BCL11B: variants seen among roughly 807,000 people sequenced by gnomAD.
The protein encoded by BCL11B is B-cell lymphoma/leukemia 11B.
A neutral mutation model predicts 49.9 loss-of-function variants in BCL11B; 8 were observed. That is an observed-to-expected ratio of 0.16 (90% CI 0.09 to 0.29). BCL11B has a LOEUF of 0.29. Ranked by LOEUF, BCL11B falls within the 10% of genes least tolerant of loss-of-function variation. BCL11B has a pLI of 1.00. For missense variants in BCL11B, 1,006 were observed against 1,351.0 expected, an observed-to-expected ratio of 0.74 and a Z score of 4.00; for synonymous variants, 739 against 637.4, an observed-to-expected ratio of 1.16 and a Z score of -2.40.
chr14:99,199,685 CGCGCGCGCGCGCACGTGCACGTGT>C (rs1461324313), intron 3 of BCL11B, among the ~76,000 whole-genome samples: 12 of 58,930 alleles, frequency 2.0e-4, no homozygotes, highest in Admixed American at 6.7e-4. Flanking sequence ...TGTGTGTGTG[CGCGCGCGCGCGCACGTGCACGTGT>C]GTGCGTGTGT....
rs1183243678 is a variant in BCL11B at position 99,248,354 on chromosome 14, G to C, written c.427+9117C>G. Among the ~76,000 whole-genome samples, 1 of 152,158 alleles carries C rather than the reference G, an allele frequency of 6.6e-6. No individual in the cohort carries two copies. Reference sequence around the variant, plus strand: ...CTTCCCTGGGTCCAACTCGAGGCTTGCAAGTCCTGATCACACCCTCCCCTG... The same window carrying C: ...CTTCCCTGGGTCCAACTCGAGGCTTCCAAGTCCTGATCACACCCTCCCCTG... On this transcript the variant is annotated intron_variant, in intron 2 of 3. Coordinates refer to ENST00000357195, the MANE Select transcript of BCL11B (RefSeq NM_138576.4). The surrounding 1 kb of genome is among the most constrained non-coding windows in gnomAD (Gnocchi z 4.7).
chr14:99,259,370 T>C (rs1354573899), intron 1 of BCL11B, among the ~76,000 whole-genome samples: 1 of 152,216 alleles, frequency 6.6e-6, no homozygotes, highest in Non-Finnish European at 1.5e-5. Flanking sequence ...AAATCACTGT[T>C]CTCTATTTTC....
chr14:99,245,850 C>G (rs1399396288), intron 2 of BCL11B, among the ~76,000 whole-genome samples: 1 of 151,966 alleles, frequency 6.6e-6, no homozygotes, highest in Non-Finnish European at 1.5e-5. Context: ...GACCTTGGGT[C>G]TCCGCCTCCA....
At chr14:99,246,140 A>AC (rs910340957) in intron 2 of BCL11B, among the ~76,000 whole-genome samples, 5 of 147,936 alleles carry the variant, frequency 3.4e-5, no homozygotes, top group South Asian at 2.2e-4. Flanking sequence ...CGACTCGCCC[A>AC]CCCCCCGCCT....
intron 2 of BCL11B, among the ~76,000 whole-genome samples, chr14:99,234,101 A>G (rs148369177): frequency 6.6e-6 from 1 of 152,272 alleles, no homozygotes; most frequent in South Asian, 2.1e-4. Context: ...CGAAATGTTC[A>G]TAAGAGGCAA....
chr14:99,207,593 G>C (rs918704414), intron 3 of BCL11B, among the ~76,000 whole-genome samples: 2 of 152,234 alleles, frequency 1.3e-5, no homozygotes, highest in African/African-American at 4.8e-5. Flanking sequence ...AGAGGCATCA[G>C]GCACAATCTG....
intron 2 of BCL11B, among the ~76,000 whole-genome samples, chr14:99,253,236 C>A (rs559497240): frequency 6.6e-6 from 1 of 152,204 alleles, no homozygotes; most frequent in South Asian, 2.1e-4. Flanking sequence ...AACCCCCCGC[C>A]GGCTCCTCAG....
Position 99,231,314 on chromosome 14 carries a change from G to T in BCL11B, c.640+31C>A. On this transcript the variant is annotated intron_variant, in intron 3 of 3. Transcript: ENST00000357195. The surrounding 1 kb of genome is among the most constrained non-coding windows in gnomAD (Gnocchi z 8.1). Reference sequence around the variant, plus strand: ...CATGGCACACCCCGCCATCCCGGGGGCCCGCCCCCCACCGCGGCGTCGTCT... The same window carrying T: ...CATGGCACACCCCGCCATCCCGGGGTCCCGCCCCCCACCGCGGCGTCGTCT... 6.3e-7 allele frequency: 1 copy of T among 1,599,936 alleles called. No homozygotes were observed. The highest frequency in any genetic ancestry group is 8.5e-7 in the Non-Finnish European group (1 of 1,174,030).
At chr14:99,215,235 C>T (rs1460914413) in intron 3 of BCL11B, among the ~76,000 whole-genome samples, 2 of 152,164 alleles carry the variant, frequency 1.3e-5, no homozygotes, top group Non-Finnish European at 2.9e-5. Flanking sequence ...CCAAATGTGT[C>T]ACTAACATCC....
chr14:99,245,949 G>A (rs975505500), intron 2 of BCL11B, among the ~76,000 whole-genome samples: 1 of 152,126 alleles, frequency 6.6e-6, no homozygotes, highest in Non-Finnish European at 1.5e-5. Flanking sequence ...ACCGACGGGG[G>A]CGGGGGGGAA....
At chr14:99,178,985 A>G (rs557292722) in intron 3 of BCL11B, among the ~76,000 whole-genome samples, 392 of 152,330 alleles carry the variant, frequency 2.6e-3, no homozygotes, top group Non-Finnish European at 3.9e-3. Flanking sequence ...TTTTCTAGAA[A>G]GTTCTGTGGC....
At chr14:99,255,554 C>T (rs1889138101) in intron 2 of BCL11B, among the ~76,000 whole-genome samples, 1 of 152,122 alleles carries the variant, frequency 6.6e-6, no homozygotes, top group Non-Finnish European at 1.5e-5. Context: ...TCTGCAGCCT[C>T]TCATTGGGAA....
In BCL11B at chr14:99,200,761, C is replaced by T. The variant is rs571036265; in HGVS notation, c.641-24566G>A. 2.6e-5 allele frequency among the ~76,000 whole-genome samples: 4 copies of T among 152,302 alleles called. 1 individual carries two copies. Among genetic ancestry groups the T allele is most frequent in the South Asian group, 2.1e-4 (1 of 4,828 alleles). On this transcript the variant is annotated intron_variant, in intron 3 of 3. Coordinates refer to ENST00000357195, the MANE Select transcript of BCL11B (RefSeq NM_138576.4). ...AGCTAACCCAGGATGGAATGAGAGC[C>T]GGCAAGTCCTGGACAAGAAGCTTCC...
intron 2 of BCL11B, among the ~76,000 whole-genome samples, chr14:99,251,036 G>A (rs1793552552): frequency 6.6e-6 from 1 of 152,224 alleles, no homozygotes; most frequent in South Asian, 2.1e-4. Flanking sequence ...TGGAAGGCCA[G>A]TGGGACAGGA....
rs995296248 is a variant in BCL11B, at chr14:99,235,841, C to CT, written c.428-4285dup. On this transcript the variant is annotated intron_variant, in intron 2 of 3. Coordinates refer to ENST00000357195, the MANE Select transcript of BCL11B (RefSeq NM_138576.4). The stretch of plus-strand genomic sequence containing the variant: ...ATTCTTGCATTGTTGATTTTTTTTT[C>CT]TTTTTTTTGGTTGTTGGCAGGTACA... Among the ~76,000 whole-genome samples, 51 of 149,862 alleles carry CT rather than the reference C, an allele frequency of 3.4e-4. 1 individual carries two copies. Among genetic ancestry groups the CT allele is most frequent in the South Asian group, 1.9e-3 (9 of 4,744 alleles).
At position 99,174,717 on chromosome 14, in the gene BCL11B, C is replaced by T. The variant is rs1886413274; in HGVS notation, c.2119G>A (p.Val707Met). ...TAGCCCACCAGCCACTGCGAGTACA[C>T]GTTCTCGGACGGGATGAGCGCGGCG... ...PPAALIPSEN[V>M]YSQWLVGYAA... Residue 707 changes from valine (V) to methionine (M), a missense_variant, in exon 4 of 4, where the codon GTG becomes ATG. This residue lies in a region of BCL11B where 443 missense variants were observed against 499.7 expected (regional missense o/e 0.89). Coordinates refer to ENST00000357195, the MANE Select transcript of BCL11B (RefSeq NM_138576.4). 1 of 1,557,420 alleles carries T rather than the reference C, an allele frequency of 6.4e-7. No individual in the cohort carries two copies. The highest frequency in any genetic ancestry group is 2.5e-5 in the East Asian group (1 of 39,392).
At chr14:99,221,202 C>T (rs1322735537) in intron 3 of BCL11B, among the ~76,000 whole-genome samples, 1 of 152,106 alleles carries the variant, frequency 6.6e-6, no homozygotes, top group African/African-American at 2.4e-5. Context: ...ACTGAGTTGG[C>T]TAATAAAACC....
At chr14:99,204,195 A>C (rs1887468293) in intron 3 of BCL11B, among the ~76,000 whole-genome samples, 1 of 152,188 alleles carries the variant, frequency 6.6e-6, no homozygotes, top group Non-Finnish European at 1.5e-5. Flanking sequence ...CTGTGAACCC[A>C]TCTCTGGGCA....
In BCL11B at chr14:99,213,292, C is replaced by T. The variant is rs532120585; in HGVS notation, c.640+18053G>A. ...AAAAGAGGATGAAGGCCCCGAGCTGCTCCCTCTCAAGTGCAGCAGACACAG... is the reference window on the plus strand; with the variant it reads ...AAAAGAGGATGAAGGCCCCGAGCTGTTCCCTCTCAAGTGCAGCAGACACAG... On this transcript the variant is annotated intron_variant, in intron 3 of 3. Coordinates refer to ENST00000357195, the MANE Select transcript of BCL11B (RefSeq NM_138576.4). This position sits in a 1 kb window ranked among gnomAD's most constrained non-coding sequence, Gnocchi z 5.1. Among the ~76,000 whole-genome samples the T allele has an allele frequency of 6.6e-6, 1 of 152,328 alleles. No homozygotes were observed. The highest frequency in any genetic ancestry group is 2.1e-4 in the South Asian group (1 of 4,830).
Sources: allele counts gnomAD v4.1 joint callset (sites outside exome capture counted in the v4.1 genomes callset), GRCh38; gene constraint gnomAD v4.1.1; regional missense constraint gnomAD v4.1.1; non-coding constraint Gnocchi (gnomAD v3.1); transcripts MANE v1.5; gene names NCBI Gene and HGNC (gene_info 2026-07-23, HGNC 2026-07-21).